The following THBS4 variants were observed in gnomAD, a reference collection of about 807,000 sequenced individuals.
THBS4 encodes the protein thrombospondin-4.
A neutral mutation model predicts 115.7 loss-of-function variants in THBS4; 90 were observed. The observed-to-expected ratio is 0.78, with a 90% CI of 0.66 to 0.93. THBS4 has a LOEUF of 0.93. Ranked by LOEUF, THBS4 falls within the 40% of genes least tolerant of loss-of-function variation. THBS4 has a pLI of 0.00. For synonymous variants in THBS4, 460 were observed against 479.3 expected (o/e 0.96, Z 0.53); for missense variants, 1,087 against 1,232.7 (o/e 0.88, Z 1.77).
At chr5:79,993,129 C>T (rs1390550854) in intron 1 of THBS4, among the ~76,000 whole-genome samples, 1 of 152,236 alleles carries the variant, frequency 6.6e-6, no homozygotes, top group Non-Finnish European at 1.5e-5. Flanking sequence ...GTTTGGCCTT[C>T]TTCCGTACTG....
At chr5:80,032,119 T>C (rs1176909925), upstream of THBS4, among the ~76,000 whole-genome samples, 3 of 152,226 alleles carry the variant, frequency 2.0e-5, no homozygotes, top group African/African-American at 7.2e-5. Flanking sequence ...GATATTTTAA[T>C]AAGAAGTGGC....
chr5:80,042,015 T>C (rs1832918820), intron 2 of THBS4, among the ~76,000 whole-genome samples: 1 of 152,232 alleles, frequency 6.6e-6, no homozygotes. Context: ...AACCCCTTCT[T>C]TTCTGTCAGA....
chr5:80,029,141 C>A (rs1832537289), intron 2 of THBS4, among the ~76,000 whole-genome samples: 1 of 152,202 alleles, frequency 6.6e-6, no homozygotes, highest in Non-Finnish European at 1.5e-5. Flanking sequence ...TTCCCAGCTA[C>A]TTGGGAGGCT....
intron 2 of THBS4, among the ~76,000 whole-genome samples, chr5:80,048,632 A>ATGTGTGTG (rs56183875): frequency 0.096 from 14,138 of 147,258 alleles, 786 homozygotes; most frequent in African/African-American, 0.16. Flanking sequence ...CACTAGATAG[A>ATGTGTGTG]TGTGTGTGTG....
In THBS4 at chr5:80,077,151, C is replaced by T. The variant is rs1580989945; in HGVS notation, c.2086+103C>T. ...AGGCACCAACTCAGAATATCCCCAGCTCCCATCAGCTGCTTCTCTACACCC... is the reference window on the plus strand; with the variant it reads ...AGGCACCAACTCAGAATATCCCCAGTTCCCATCAGCTGCTTCTCTACACCC... On this transcript the variant is annotated intron_variant, in intron 16 of 21. Coordinates refer to ENST00000350881, the MANE Select transcript of THBS4 (RefSeq NM_003248.6). The T allele has an allele frequency of 2.7e-6, 3 of 1,110,684 alleles. No homozygotes were observed. The East Asian group carries it at 7.7e-5, about 28-fold the overall frequency. The allele number at this position is 1,110,684 out of a possible 1,614,324, so 68.8% of individuals were successfully genotyped here.
At chr5:80,065,041 G>A (rs1292166788) in intron 8 of THBS4, among the ~76,000 whole-genome samples, 1 of 152,030 alleles carries the variant, frequency 6.6e-6, no homozygotes, top group Non-Finnish European at 1.5e-5. Context: ...GTCGGGGGAA[G>A]CTGAGAATGT....
intron 21 of THBS4, 104 bp downstream of exon 21, chr5:80,082,649 AC>A: frequency 7.1e-7 from 1 of 1,403,136 alleles, no homozygotes; most frequent in Non-Finnish European, 9.9e-7. Context: ...CAACGCTCAT[AC>A]CACATAGTCA....
At chr5:80,038,526 T>A (rs1832789619) in intron 1 of THBS4, among the ~76,000 whole-genome samples, 1 of 152,150 alleles carries the variant, frequency 6.6e-6, no homozygotes, top group Non-Finnish European at 1.5e-5. Context: ...ACAGGATGGT[T>A]TGGGATGAGT....
chr5:80,012,938 G>C (rs559745479), intron 2 of THBS4, among the ~76,000 whole-genome samples: 1 of 152,266 alleles, frequency 6.6e-6, no homozygotes, highest in Non-Finnish European at 1.5e-5. Context: ...CTCCTGCACA[G>C]CACTTGACTC....
At chr5:80,039,525 C>A (rs1462859317) in intron 1 of THBS4, among the ~76,000 whole-genome samples, 1 of 152,152 alleles carries the variant, frequency 6.6e-6, no homozygotes, top group African/African-American at 2.4e-5. Context: ...TGTAAAGGCA[C>A]AAAGGGAACA....
chr5:80,076,426 CTG>C (rs1212697698), intron 15 of THBS4, among the ~76,000 whole-genome samples: 1 of 152,184 alleles, frequency 6.6e-6, no homozygotes, highest in African/African-American at 2.4e-5. Context: ...GATGAGGACA[CTG>C]AGCCATAGAG....
At chr5:80,012,192 TA>T (rs1832140907) in intron 2 of THBS4, among the ~76,000 whole-genome samples, 1 of 152,064 alleles carries the variant, frequency 6.6e-6, no homozygotes, top group Admixed American at 6.6e-5. Context: ...AAGAAATACT[TA>T]AGGGCCCACT....
chr5:80,059,395 C>A, intron 5 of THBS4, 45 bp from the exon 6 acceptor site: 1 of 1,540,866 alleles, frequency 6.5e-7, no homozygotes, highest in Non-Finnish European at 9.0e-7. Context: ...TGGATGATAT[C>A]AGGCATTCCT....
chr5:80,067,900 T>C, intron 9 of THBS4, 73 bp from the exon 10 acceptor site: 2 of 1,550,866 alleles, frequency 1.3e-6, no homozygotes, highest in Non-Finnish European at 1.7e-6. Flanking sequence ...ATATACACAA[T>C]AACTGTACCT....
intron 2 of THBS4, among the ~76,000 whole-genome samples, chr5:80,028,511 T>C: frequency 6.6e-6 from 1 of 152,076 alleles, no homozygotes; most frequent in East Asian, 1.9e-4. Context: ...CAGGATGGAA[T>C]GCAGTGGTGT....
At position 80,071,104 on chromosome 5, in the gene THBS4, T is replaced by C; in HGVS notation, c.1644T>C (p.Ser548=). ...GGGATGCCTGTGATAACTGCCTGAGTGTCTTAAATAACGACCAGAAAGACA... is the reference window on the plus strand; with the variant it reads ...GGGATGCCTGTGATAACTGCCTGAGCGTCTTAAATAACGACCAGAAAGACA... ...IFGDACDNCL[S]VLNNDQKDTD... Residue 548 remains serine, a synonymous_variant, in exon 13 of 22, where the codon AGT becomes AGC. Transcript: ENST00000350881. The C allele has an allele frequency of 6.2e-7, 1 of 1,611,026 alleles. No individual in the cohort carries two copies. Among genetic ancestry groups the C allele is most frequent in the Non-Finnish European group, 8.5e-7 (1 of 1,179,384 alleles).
At chr5:80,071,245 G>T in intron 13 of THBS4, 65 bp downstream of exon 13, 1 of 1,524,060 alleles carries the variant, frequency 6.6e-7, no homozygotes, top group Non-Finnish European at 8.7e-7. Flanking sequence ...TGTTCTCTGA[G>T]AGAGTAGGAA....
intron 6 of THBS4, 86 bp from the exon 7 acceptor site, chr5:80,059,617 A>G (rs1833556829): frequency 6.9e-6 from 11 of 1,596,700 alleles, no homozygotes; most frequent in African/African-American, 4.0e-5. Context: ...GAGGGAGGAA[A>G]AGTTCAATAG....
At chr5:80,016,755 G>A (rs572266878) in intron 2 of THBS4, among the ~76,000 whole-genome samples, 2 of 152,096 alleles carry the variant, frequency 1.3e-5, no homozygotes, top group African/African-American at 4.8e-5. Flanking sequence ...TTAGTGATTT[G>A]CACTGCCCGC....
Sources: gnomAD v4.1 joint callset for allele counts (sites outside exome capture counted in the v4.1 genomes callset) on GRCh38, gnomAD v4.1.1 for gene constraint, MANE v1.5 for transcripts, NCBI Gene and HGNC (gene_info 2026-07-23, HGNC 2026-07-21) for gene names.